Variants in LPP observed in about 807,000 individuals in gnomAD.
LPP encodes the protein LIM domain containing preferred translocation partner in lipoma, also known as lipoma-preferred partner.
A neutral mutation model predicts 60.4 loss-of-function variants in LPP; 38 were observed. That is an observed-to-expected ratio of 0.63 (90% confidence interval 0.49 to 0.83). The LOEUF (loss-of-function observed/expected upper bound fraction) is 0.83, where lower values mean the gene tolerates loss of function less well. LPP is among the 40% of genes least tolerant of loss of function. LPP has a pLI of 0.00. For synonymous variants in LPP, 328 were observed against 290.8 expected (o/e 1.13, Z -1.30); for missense variants, 902 against 783.6 (o/e 1.15, Z -1.80).
At chr3:188,566,919 T>A (rs12497593) in intron 6 of LPP, among the ~76,000 whole-genome samples, 41,399 of 151,744 alleles carry the variant, frequency 0.27, 6,370 homozygotes, top group African/African-American at 0.41. Context: ...TGAAAGGATT[T>A]AGAAAACTTA....
At chr3:188,297,031 T>C (rs1748139031) in intron 2 of LPP, among the ~76,000 whole-genome samples, 1 of 152,150 alleles carries the variant, frequency 6.6e-6, no homozygotes, top group Non-Finnish European at 1.5e-5. Flanking sequence ...AATGTCAACA[T>C]AGTTCCTTTA....
At chr3:188,843,334 C>A (rs1277574072) in intron 9 of LPP, among the ~76,000 whole-genome samples, 1 of 152,154 alleles carries the variant, frequency 6.6e-6, no homozygotes, top group Non-Finnish European at 1.5e-5. Flanking sequence ...AGGGTACTGG[C>A]CCGAGAGTTA....
intron 4 of LPP, among the ~76,000 whole-genome samples, chr3:188,481,361 A>G (rs917150352): frequency 6.6e-6 from 1 of 152,258 alleles, no homozygotes; most frequent in African/African-American, 2.4e-5. Flanking sequence ...GTCTGACTTA[A>G]TAATTGATCT....
chr3:188,715,446 TTA>T (rs1279530639), intron 8 of LPP, among the ~76,000 whole-genome samples: 1 of 150,444 alleles, frequency 6.6e-6, no homozygotes, highest in Non-Finnish European at 1.5e-5. Context: ...TTATTATAAT[TTA>T]GAGTCAATTC....
At chr3:188,267,089 C>T (rs1460412351) in intron 2 of LPP, among the ~76,000 whole-genome samples, 4 of 152,164 alleles carry the variant, frequency 2.6e-5, no homozygotes, top group South Asian at 2.1e-4. Flanking sequence ...TGAGCAGCAG[C>T]GTACCTGGGT....
intron 4 of LPP, among the ~76,000 whole-genome samples, chr3:188,446,543 G>A (rs1439312031): frequency 6.6e-6 from 1 of 151,976 alleles, no homozygotes; most frequent in African/African-American, 2.4e-5. Flanking sequence ...ATTTTTCTTT[G>A]TTTTTATTTG....
At chr3:188,365,151 A>T (rs1373235367) in intron 3 of LPP, among the ~76,000 whole-genome samples, 3 of 145,714 alleles carry the variant, frequency 2.1e-5, no homozygotes, top group Non-Finnish European at 3.0e-5. Context: ...TCTTAATCTT[A>T]CTTTTCTCTC....
chr3:188,614,668 C>A (rs1445338243), intron 7 of LPP, among the ~76,000 whole-genome samples: 1 of 152,128 alleles, frequency 6.6e-6, no homozygotes, highest in African/African-American at 2.4e-5. Flanking sequence ...ACAGCCACAG[C>A]TCCAAGTCAG....
intron 6 of LPP, among the ~76,000 whole-genome samples, chr3:188,588,144 A>T (rs1837891258): frequency 6.6e-6 from 1 of 152,244 alleles, no homozygotes; most frequent in Non-Finnish European, 1.5e-5. Flanking sequence ...GATATGGAAT[A>T]GCGTATACAG....
intron 5 of LPP, among the ~76,000 whole-genome samples, chr3:188,503,456 T>C (rs1812512466): frequency 6.6e-6 from 1 of 152,126 alleles, no homozygotes; most frequent in Non-Finnish European, 1.5e-5. Flanking sequence ...AAAAGTAAAG[T>C]CACACATCAT....
chr3:188,639,028 A>C (rs950963303), intron 7 of LPP, among the ~76,000 whole-genome samples: 7 of 150,630 alleles, frequency 4.6e-5, no homozygotes, highest in African/African-American at 1.7e-4. Flanking sequence ...TAAAGTTCAT[A>C]TGGAACCAAA....
intron 7 of LPP, among the ~76,000 whole-genome samples, chr3:188,629,540 AT>A (rs1212735830): frequency 6.6e-6 from 1 of 152,172 alleles, no homozygotes; most frequent in East Asian, 1.9e-4. Flanking sequence ...TATAATGAGA[AT>A]TATAAAACAC....
intron 2 of LPP, among the ~76,000 whole-genome samples, chr3:188,290,535 A>G (rs1421722617): frequency 2.0e-5 from 3 of 152,100 alleles, no homozygotes; most frequent in Non-Finnish European, 4.4e-5. Context: ...ATTCCATTAT[A>G]CTACAGCCAC....
chr3:188,291,366 G>A (rs764698761), intron 2 of LPP, among the ~76,000 whole-genome samples: 3 of 151,960 alleles, frequency 2.0e-5, no homozygotes, highest in Non-Finnish European at 2.9e-5. Context: ...TTGGCCGGGC[G>A]TGGTGGCTCT....
At chr3:188,180,756 A>C (rs917795773) in intron 1 of LPP, 1 of 149,928 alleles carries the variant, frequency 6.7e-6, no homozygotes, top group Non-Finnish European at 1.5e-5. Flanking sequence ...ATATCTTGCC[A>C]CTTCACCTAA....
At chr3:188,783,754 A>G (rs114125628) in intron 9 of LPP, among the ~76,000 whole-genome samples, 5,236 of 152,058 alleles carry the variant, frequency 0.034, 189 homozygotes, top group African/African-American at 0.094. Context: ...CCATTTTTCT[A>G]TCAAGTATTC....
chr3:188,239,305 C>T (rs533082080), intron 2 of LPP, among the ~76,000 whole-genome samples: 163 of 152,230 alleles, frequency 1.1e-3, no homozygotes, highest in African/African-American at 3.7e-3. Context: ...GGCCTTTTTG[C>T]GGATGAATTT....
rs886577531 is a variant in LPP, at chr3:188,432,371, C to T, written c.193+26058C>T. ...CAGCGATAGCTATCAAAAGGAGAGA[C>T]GTCCTCTAAATCTTTGATAAAAGTA... is the stretch of plus-strand genomic sequence containing the variant. On this transcript the variant is annotated intron_variant, in intron 4 of 11. Transcript: ENST00000617246. 3.9e-5 allele frequency among the ~76,000 whole-genome samples: 6 copies of T among 152,216 alleles called. No homozygotes were observed. The South Asian group carries it at 1.0e-3, about 26-fold the overall frequency.
At chr3:188,360,528 T>C (rs6789451) in intron 3 of LPP, among the ~76,000 whole-genome samples, 39,643 of 151,902 alleles carry the variant, frequency 0.26, 5,795 homozygotes, top group African/African-American at 0.39. Flanking sequence ...ATAACTTTTT[T>C]TTTCTTTTTG....
Sources: allele counts gnomAD v4.1 joint callset (sites outside exome capture counted in the v4.1 genomes callset), GRCh38; gene constraint gnomAD v4.1.1; transcripts MANE v1.5; gene names NCBI Gene and HGNC (gene_info 2026-07-23, HGNC 2026-07-21).